The following AGBL4 variants were observed in gnomAD, a reference collection of about 807,000 sequenced individuals.
The protein encoded by AGBL4 is AGBL carboxypeptidase 4.
A neutral mutation model predicts 66.4 loss-of-function variants in AGBL4; 58 were observed. The ratio of observed to expected loss-of-function variants is 0.87; its 90% CI spans 0.71 to 1.09. The LOEUF is 1.09. AGBL4 is among the 50% of genes least tolerant of loss of function. The probability of loss-of-function intolerance (pLI) is 0.00; values close to 1 mark genes in which losing one functional copy is unlikely to be tolerated. For synonymous variants in AGBL4, 234 were observed against 222.9 expected (o/e 1.05, Z -0.44); for missense variants, 579 against 631.0 (o/e 0.92, Z 0.88).
chr1:49,950,028 G>GTGTATATATATATACATA (rs1655956674), intron 1 of AGBL4, among the ~76,000 whole-genome samples: 1 of 139,024 alleles, frequency 7.2e-6, no homozygotes, highest in African/African-American at 2.6e-5. Context: ...ATATGTGTGT[G>GTGTATATATATATACATA]TGTGTATATA....
Position 50,023,569 on chromosome 1 carries a change from G to A in AGBL4, c.34+194C>T, listed in dbSNP as rs983983891. On this transcript the variant is annotated intron_variant, in intron 1 of 13. Coordinates refer to ENST00000371839, the MANE Select transcript of AGBL4 (RefSeq NM_032785.4). Reference sequence around the variant, plus strand: ...TAACCCACACTCCCCTCCACCACCCGGACTTCGAGGTCCCTGCCCGCCATT... The same window carrying A: ...TAACCCACACTCCCCTCCACCACCCAGACTTCGAGGTCCCTGCCCGCCATT... Among the ~76,000 whole-genome samples the A allele has an allele frequency of 2.6e-5, 4 of 152,078 alleles. No homozygotes were observed. In the South Asian group the frequency reaches 6.2e-4, roughly 24 times the overall value.
chr1:49,527,976 T>C (rs569939095), intron 3 of AGBL4, among the ~76,000 whole-genome samples: 4 of 152,192 alleles, frequency 2.6e-5, no homozygotes, highest in African/African-American at 4.8e-5. Context: ...TCATAGCTGA[T>C]TGACTGAGTT....
At chr1:49,513,550 T>G (rs1260777764) in intron 3 of AGBL4, among the ~76,000 whole-genome samples, 5 of 152,036 alleles carry the variant, frequency 3.3e-5, no homozygotes, top group Admixed American at 3.3e-4. Context: ...CTTAGGATTA[T>G]GGCCTCCAGC....
At chr1:50,017,657 T>C (rs1235444562) in intron 1 of AGBL4, among the ~76,000 whole-genome samples, 1 of 152,166 alleles carries the variant, frequency 6.6e-6, no homozygotes, top group African/African-American at 2.4e-5. Flanking sequence ...CCGCATGTTC[T>C]CACTTATAAG....
chr1:49,314,309 T>A (rs911687965), intron 3 of AGBL4, among the ~76,000 whole-genome samples: 1 of 152,066 alleles, frequency 6.6e-6, no homozygotes, highest in African/African-American at 2.4e-5. Context: ...GGTATACACG[T>A]GCCATGGTGG....
At chr1:48,759,414 A>G in intron 6 of AGBL4, 1 of 1,392,834 alleles carries the variant, frequency 7.2e-7, no homozygotes, top group Non-Finnish European at 9.4e-7. Flanking sequence ...AAACCTGTGC[A>G]AACACTTAGT....
intron 6 of AGBL4, among the ~76,000 whole-genome samples, chr1:48,817,315 T>G (rs1646204729): frequency 6.6e-6 from 1 of 152,136 alleles, no homozygotes; most frequent in African/African-American, 2.4e-5. Flanking sequence ...TCAAATGAGA[T>G]AGTGGATACA....
intron 3 of AGBL4, among the ~76,000 whole-genome samples, chr1:49,671,160 A>C (rs1286592624): frequency 6.6e-6 from 1 of 152,128 alleles, no homozygotes; most frequent in African/African-American, 2.4e-5. Flanking sequence ...ATGGAACAGA[A>C]TAGAGAGCCC....
chr1:49,363,958 A>G (rs554044471), intron 3 of AGBL4, among the ~76,000 whole-genome samples: 18 of 152,356 alleles, frequency 1.2e-4, no homozygotes, highest in African/African-American at 4.1e-4. Flanking sequence ...GGCTGTGGAT[A>G]TAAAGAGATA....
At chr1:48,552,102 C>T (rs34421840) in intron 11 of AGBL4, among the ~76,000 whole-genome samples, 3,698 of 152,250 alleles carry the variant, frequency 0.024, 75 homozygotes, top group Middle Eastern at 0.051. Flanking sequence ...CTTGCTCTGT[C>T]GCTCAGGCTG....
intron 5 of AGBL4, among the ~76,000 whole-genome samples, chr1:49,025,187 A>C (rs777502807): frequency 1.3e-5 from 2 of 152,180 alleles, no homozygotes; most frequent in Non-Finnish European, 2.9e-5. Context: ...ATAAACAAAC[A>C]AGAAAACCTT....
chr1:49,908,354 C>T (rs1650477416), intron 1 of AGBL4, among the ~76,000 whole-genome samples: 1 of 152,130 alleles, frequency 6.6e-6, no homozygotes, highest in Non-Finnish European at 1.5e-5. Context: ...AAAAGTTTAT[C>T]ACCTTCTTCT....
intron 4 of AGBL4, among the ~76,000 whole-genome samples, chr1:49,072,073 T>C (rs1339792804): frequency 1.3e-5 from 2 of 152,168 alleles, no homozygotes; most frequent in Non-Finnish European, 2.9e-5. Context: ...AACACCTGCT[T>C]TTCTTTGCTT....
chr1:48,628,897 C>T (rs190470158), intron 9 of AGBL4, among the ~76,000 whole-genome samples: 2 of 142,342 alleles, frequency 1.4e-5, no homozygotes, highest in Admixed American at 7.8e-5. Flanking sequence ...AATTATAGCA[C>T]ACCTTCCTAA....
chr1:49,720,692 G>C (rs1648532733), intron 2 of AGBL4, among the ~76,000 whole-genome samples: 1 of 152,138 alleles, frequency 6.6e-6, no homozygotes, highest in South Asian at 2.1e-4. Context: ...GACGTGATAC[G>C]TGCAGAGGTG....
At chr1:49,620,549 A>G (rs1645340256) in intron 3 of AGBL4, among the ~76,000 whole-genome samples, 1 of 152,216 alleles carries the variant, frequency 6.6e-6, no homozygotes, top group African/African-American at 2.4e-5. Flanking sequence ...CCACTGCGGA[A>G]GACAATATGG....
chr1:49,343,244 C>G (rs945788553), intron 3 of AGBL4, among the ~76,000 whole-genome samples: 1 of 152,044 alleles, frequency 6.6e-6, no homozygotes, highest in African/African-American at 2.4e-5. Context: ...TGCCACAGAC[C>G]CCGTTTTGGG....
intron 2 of AGBL4, among the ~76,000 whole-genome samples, chr1:49,790,983 A>C (rs1332781955): frequency 6.6e-6 from 1 of 152,192 alleles, no homozygotes; most frequent in African/African-American, 2.4e-5. Context: ...ATATAATAAC[A>C]ATATCCAAAG....
chr1:49,500,113 T>C (rs1390065394), intron 3 of AGBL4, among the ~76,000 whole-genome samples: 1 of 152,120 alleles, frequency 6.6e-6, no homozygotes, highest in African/African-American at 2.4e-5. Context: ...AATTAGCATT[T>C]TCCTGATTAT....
Sources: allele counts gnomAD v4.1 joint callset (sites outside exome capture counted in the v4.1 genomes callset), GRCh38; gene constraint gnomAD v4.1.1; transcripts MANE v1.5; gene names NCBI Gene and HGNC (gene_info 2026-07-23, HGNC 2026-07-21).